Variants in FOXN3 observed in about 807,000 individuals in gnomAD.
FOXN3 encodes the protein forkhead box protein N3.
In FOXN3, 7 loss-of-function variants were observed where a neutral mutation model predicts 38.4. The observed-to-expected ratio is 0.18, with a 90% CI of 0.10 to 0.34. The LOEUF is 0.34. Ranked by LOEUF, FOXN3 falls within the 10% of genes least tolerant of loss-of-function variation. FOXN3 has a pLI of 1.00. For synonymous variants in FOXN3, 230 were observed against 242.2 expected, an observed-to-expected ratio of 0.95 and a Z score of 0.47; for missense variants, 456 against 613.4, an observed-to-expected ratio of 0.74 and a Z score of 2.71.
chr14:89,501,012 T>C (rs1159246144), intron 1 of FOXN3, among the ~76,000 whole-genome samples: 1 of 152,204 alleles, frequency 6.6e-6, no homozygotes, highest in Non-Finnish European at 1.5e-5. Context: ...ACTCCCTCTA[T>C]CTCTGCATGG....
At chr14:89,322,804 T>TCATC (rs755459010) in intron 3 of FOXN3, among the ~76,000 whole-genome samples, 2 of 151,934 alleles carry the variant, frequency 1.3e-5, no homozygotes, top group Admixed American at 6.6e-5. Flanking sequence ...AGTTAGAAGG[T>TCATC]CATCCATCCA....
At chr14:89,282,446 C>A (rs1213829190) in intron 3 of FOXN3, among the ~76,000 whole-genome samples, 1 of 152,162 alleles carries the variant, frequency 6.6e-6, no homozygotes, top group African/African-American at 2.4e-5. Context: ...GATGATGACA[C>A]CAGCTGATTG....
At chr14:89,617,845 C>A (rs1896521052) in intron 1 of FOXN3, among the ~76,000 whole-genome samples, 1 of 152,146 alleles carries the variant, frequency 6.6e-6, no homozygotes, top group African/African-American at 2.4e-5. Flanking sequence ...GAAACTACAG[C>A]ACGATTTTAA....
chr14:89,562,987 C>T (rs1333695565), intron 1 of FOXN3, among the ~76,000 whole-genome samples: 1 of 152,162 alleles, frequency 6.6e-6, no homozygotes, highest in Non-Finnish European at 1.5e-5. Flanking sequence ...AAATGAGAGT[C>T]TAAGTACTGC....
At chr14:89,284,623 C>T (rs1303452703) in intron 3 of FOXN3, 12 of 454,508 alleles carry the variant, frequency 2.6e-5, no homozygotes, top group Middle Eastern at 3.2e-4. Flanking sequence ...GAAAGACACG[C>T]GGGCTCCTAT....
intron 2 of FOXN3, among the ~76,000 whole-genome samples, chr14:89,396,301 C>A (rs1224489115): frequency 6.6e-6 from 1 of 152,148 alleles, no homozygotes; most frequent in Non-Finnish European, 1.5e-5. Context: ...TAATCAGAGT[C>A]CTTGAAGAAG....
At chr14:89,307,825 T>C (rs1041042245) in intron 3 of FOXN3, among the ~76,000 whole-genome samples, 1 of 152,252 alleles carries the variant, frequency 6.6e-6, no homozygotes, top group African/African-American at 2.4e-5. Context: ...GTAAATCCTA[T>C]AGCAGTCTCT....
In FOXN3 at chr14:89,227,158, CA is replaced by C. The variant is rs1768336558; in HGVS notation, c.746-46353del. On this transcript the variant is annotated intron_variant, in intron 4 of 5. Coordinates refer to ENST00000557258, the MANE Select transcript of FOXN3 (RefSeq NM_005197.4). ...TTTTTATATACCCTGAATTAGACTC[CA>C]AGTAAAACAAGAATGATCTCAGTCA... is the stretch of plus-strand genomic sequence containing the variant. 2.6e-5 allele frequency among the ~76,000 whole-genome samples: 4 copies of C among 152,192 alleles called. No individual in the cohort carries two copies. The South Asian group carries it at 8.3e-4, about 32-fold the overall frequency.
intron 1 of FOXN3, among the ~76,000 whole-genome samples, chr14:89,614,142 A>T (rs1162360021): frequency 6.6e-6 from 1 of 152,206 alleles, no homozygotes; most frequent in East Asian, 1.9e-4. Flanking sequence ...TCAAAACACT[A>T]CTGAGTCTGC....
At chr14:89,308,813 C>T (rs544261497) in intron 3 of FOXN3, among the ~76,000 whole-genome samples, 3 of 152,324 alleles carry the variant, frequency 2.0e-5, no homozygotes, top group South Asian at 2.1e-4. Flanking sequence ...GCAGATGTAA[C>T]ACACTGTGAA....
intron 4 of FOXN3, among the ~76,000 whole-genome samples, chr14:89,207,486 G>A (rs566039095): frequency 9.2e-5 from 14 of 152,212 alleles, no homozygotes; most frequent in East Asian, 5.8e-4. Flanking sequence ...ATTGAAATAC[G>A]TAATGAAATA....
At chr14:89,497,768 G>C (rs1295195329) in intron 1 of FOXN3, among the ~76,000 whole-genome samples, 1 of 152,154 alleles carries the variant, frequency 6.6e-6, no homozygotes, top group Non-Finnish European at 1.5e-5. Context: ...AAGTGGACTT[G>C]CTGGATCATA....
rs536440169 is a variant in FOXN3 at position 89,561,907 on chromosome 14, C to T, written c.-15+57121G>A. Among the ~76,000 whole-genome samples the T allele has an allele frequency of 7.9e-5, 12 of 152,248 alleles. No homozygotes were observed. The East Asian group carries it at 2.3e-3, about 29-fold the overall frequency. On this transcript the variant is annotated intron_variant, in intron 1 of 6. Coordinates refer to the FOXN3 transcript ENST00000345097. ...GACAGAATTACCCAAATCATATGTG[C>T]TAGGAAAATCAATTGTCAACAGATT...
intron 3 of FOXN3, among the ~76,000 whole-genome samples, chr14:89,328,070 A>T (rs1888128558): frequency 6.6e-6 from 1 of 152,250 alleles, no homozygotes; most frequent in South Asian, 2.1e-4. Context: ...ATACTTGGGA[A>T]GAGCTTCAAA....
rs181440813 is a variant in FOXN3, at chr14:89,493,265, T to A, written c.-14-80775A>T. ...GCATAAATAAAAAAATTTTTTGACA[T>A]TAAAAACTCAGTGTAAATTGCACTA... is the stretch of plus-strand genomic sequence containing the variant. On this transcript the variant is annotated intron_variant, in intron 1 of 6. Coordinates refer to the FOXN3 transcript ENST00000345097. 1.4e-4 allele frequency among the ~76,000 whole-genome samples: 22 copies of A among 152,286 alleles called. No homozygotes were observed. In the East Asian group the frequency reaches 3.9e-3, roughly 27 times the overall value.
chr14:89,156,657 C>G lies in FOXN3; in HGVS notation c.*5757G>C, dbSNP rs1390246191. 1 of 147,464 alleles carries G rather than the reference C, an allele frequency of 6.8e-6. No homozygotes were observed. Among genetic ancestry groups the G allele is most frequent in the Non-Finnish European group, 1.5e-5 (1 of 67,010 alleles). The allele number at this position is 147,464 out of a possible 1,614,324, so 9.1% of individuals were successfully genotyped here. A position where few individuals can be genotyped will look rare whatever the true frequency, so the allele number is the denominator to read the frequency against. On this transcript the variant is annotated 3_prime_UTR_variant, in exon 6 of 6. Transcript: ENST00000557258. The stretch of plus-strand genomic sequence containing the variant: ...TCACTTTTTTTTTTTTTCTGTAAAA[C>G]AAAACAAAACTCAGAAATGTTACAG...
At chr14:89,179,939 G>A (rs1887621252) in intron 5 of FOXN3, among the ~76,000 whole-genome samples, 1 of 152,214 alleles carries the variant, frequency 6.6e-6, no homozygotes, top group Non-Finnish European at 1.5e-5. Flanking sequence ...GGTGATGCAG[G>A]GGCAGTCACA....
intron 1 of FOXN3, among the ~76,000 whole-genome samples, chr14:89,446,452 A>G (rs1006772004): frequency 1.3e-5 from 2 of 152,056 alleles, no homozygotes; most frequent in Non-Finnish European, 2.9e-5. Flanking sequence ...GCCTCCCAAA[A>G]TGCTGAGATT....
intron 2 of FOXN3, among the ~76,000 whole-genome samples, chr14:89,406,830 GAAAA>G (rs976317661): frequency 6.6e-6 from 1 of 151,620 alleles, no homozygotes; most frequent in Non-Finnish European, 1.5e-5. Context: ...ATCCAGTCTG[GAAAA>G]AAATAACTGC....
Sources: gnomAD v4.1 joint callset for allele counts (sites outside exome capture counted in the v4.1 genomes callset) on GRCh38, gnomAD v4.1.1 for gene constraint, MANE v1.5 for transcripts, NCBI Gene and HGNC (gene_info 2026-07-23, HGNC 2026-07-21) for gene names.